Variants in AUTS2 observed in about 807,000 individuals in gnomAD.
AUTS2 encodes autism susceptibility gene 2 protein.
Under a neutral mutation model 112.4 loss-of-function variants are expected in AUTS2, and 17 were observed. The ratio of observed to expected loss-of-function variants is 0.15; its 90% CI spans 0.10 to 0.23. AUTS2 has a LOEUF of 0.23. AUTS2 is among the 10% of genes least tolerant of loss of function. The pLI is 1.00. For synonymous variants in AUTS2, 751 were observed against 702.7 expected (o/e 1.07, Z -1.09); for missense variants, 1,510 against 1,701.6 (o/e 0.89, Z 1.98).
intron 5 of AUTS2, among the ~76,000 whole-genome samples, chr7:70,678,955 T>C (rs944328558): frequency 1.3e-5 from 2 of 152,118 alleles, no homozygotes; most frequent in East Asian, 1.9e-4. Context: ...CAGAGTCTTA[T>C]ATGCTAATAC....
At chr7:69,784,011 G>GC (rs1474310185) in intron 1 of AUTS2, among the ~76,000 whole-genome samples, 1 of 152,060 alleles carries the variant, frequency 6.6e-6, no homozygotes, top group East Asian at 1.9e-4. Flanking sequence ...TGCTATGACA[G>GC]CCCCCCTCCC....
At position 70,705,836 on chromosome 7, in the gene AUTS2, T is replaced by C. The variant is rs573917219; in HGVS notation, c.742+7216T>C. On this transcript the variant is annotated intron_variant, in intron 6 of 18. Coordinates refer to ENST00000342771, the MANE Select transcript of AUTS2 (RefSeq NM_015570.4). ...ACTTCTCATCAACCCTTAAAGCCCTTGGATAGGAGTGGAAGAAGTCAATCC... is the reference window on the plus strand; with the variant it reads ...ACTTCTCATCAACCCTTAAAGCCCTCGGATAGGAGTGGAAGAAGTCAATCC... 5.0e-4 allele frequency among the ~76,000 whole-genome samples: 76 copies of C among 152,308 alleles called. 1 individual carries two copies. The highest frequency in any genetic ancestry group is 2.1e-4 in the Non-Finnish European group (14 of 68,024).
chr7:70,576,184 G>C (rs886930446), intron 5 of AUTS2, among the ~76,000 whole-genome samples: 5 of 152,062 alleles, frequency 3.3e-5, no homozygotes, highest in Admixed American at 1.3e-4. Context: ...CCAGTGCACT[G>C]GGCAGGACTG....
At position 70,118,141 on chromosome 7, in the gene AUTS2, G is replaced by A. The variant is rs1169900774; in HGVS notation, c.532G>A (p.Gly178Arg). 1 of 1,603,270 alleles carries A rather than the reference G, an allele frequency of 6.2e-7. No homozygotes were observed. The highest frequency in any genetic ancestry group is 8.5e-7 in the Non-Finnish European group (1 of 1,176,888). ...MPKALRQLKP[G>R]QNSCRDSDSE... is the part of the protein sequence containing the mutation. ...TTTCTTTTGCCTTTAGCTCAAGCCA[G>A]GACAGAACAGCTGCAGGGACAGTGA... Residue 178 changes from glycine to arginine, a missense_variant, in exon 3 of 19, where the codon GGA becomes AGA. Physicochemically the swap from Gly to Arg is moderately radical, Grantham distance 125. Coordinates refer to ENST00000342771, the MANE Select transcript of AUTS2 (RefSeq NM_015570.4).
At chr7:69,960,099 C>A (rs1173177724) in intron 2 of AUTS2, among the ~76,000 whole-genome samples, 1 of 152,122 alleles carries the variant, frequency 6.6e-6, no homozygotes, top group Non-Finnish European at 1.5e-5. Flanking sequence ...TGTCAGACTG[C>A]ATTTTCTCTT....
chr7:70,388,385 C>G (rs1346024099), intron 4 of AUTS2, among the ~76,000 whole-genome samples: 1 of 152,104 alleles, frequency 6.6e-6, no homozygotes, highest in Non-Finnish European at 1.5e-5. Context: ...ATAGTATATC[C>G]TGAATAAATG....
intron 5 of AUTS2, among the ~76,000 whole-genome samples, chr7:70,489,893 C>T (rs1798168066): frequency 6.6e-6 from 1 of 152,102 alleles, no homozygotes; most frequent in African/African-American, 2.4e-5. Context: ...AGAAATTAAA[C>T]AACATATTTC....
intron 1 of AUTS2, among the ~76,000 whole-genome samples, chr7:69,662,604 T>C (rs747562629): frequency 3.3e-5 from 5 of 152,350 alleles, no homozygotes; most frequent in African/African-American, 7.2e-5. Context: ...ATTAACCTTA[T>C]AGGGCTGGAG....
intron 5 of AUTS2, among the ~76,000 whole-genome samples, chr7:70,654,105 A>G (rs2129542079): frequency 6.6e-6 from 1 of 152,334 alleles, no homozygotes; most frequent in South Asian, 2.1e-4. Flanking sequence ...AAAGCCCATA[A>G]TAAGCCAGAA....
Position 69,610,182 on chromosome 7 carries a change from A to G in AUTS2, c.309+10220A>G, listed in dbSNP as rs76760381. Among the ~76,000 whole-genome samples the G allele has an allele frequency of 5.9e-3, 895 of 152,366 alleles. 2 individuals are homozygous for G. The highest frequency in any genetic ancestry group is 0.014 in the Middle Eastern group (4 of 294). On this transcript the variant is annotated intron_variant, in intron 1 of 18. Transcript: ENST00000342771. Reference sequence around the variant, plus strand: ...GAAAGTAGGAAATAATAAAGGGAAGACATGATTGATACGCTGTCCTATAAA... The same window carrying G: ...GAAAGTAGGAAATAATAAAGGGAAGGCATGATTGATACGCTGTCCTATAAA...
At chr7:70,679,174 T>C (rs1808080623) in intron 5 of AUTS2, among the ~76,000 whole-genome samples, 1 of 152,248 alleles carries the variant, frequency 6.6e-6, no homozygotes, top group Admixed American at 6.5e-5. Context: ...TCATTATTTT[T>C]TCCTGTTAGA....
chr7:70,465,463 C>A (rs1455874477), intron 5 of AUTS2, among the ~76,000 whole-genome samples: 1 of 152,170 alleles, frequency 6.6e-6, no homozygotes, highest in Admixed American at 6.5e-5. Context: ...CAGGTAAAAT[C>A]CTTGGATATT....
At chr7:69,740,154 C>T (rs1787202177) in intron 1 of AUTS2, among the ~76,000 whole-genome samples, 1 of 152,210 alleles carries the variant, frequency 6.6e-6, no homozygotes. Context: ...CTTGCATCCT[C>T]TGTGAGTGGG....
At chr7:70,513,929 G>T (rs1799308678) in intron 5 of AUTS2, among the ~76,000 whole-genome samples, 1 of 151,994 alleles carries the variant, frequency 6.6e-6, no homozygotes, top group Admixed American at 6.6e-5. Flanking sequence ...CAAAGTGCTG[G>T]GATTATAGGT....
At chr7:69,951,617 A>T (rs995102426) in intron 2 of AUTS2, among the ~76,000 whole-genome samples, 1 of 152,136 alleles carries the variant, frequency 6.6e-6, no homozygotes, top group African/African-American at 2.4e-5. Flanking sequence ...CTGTGGGATA[A>T]TGAACACTTT....
chr7:70,109,316 C>T (rs887556702), intron 2 of AUTS2, among the ~76,000 whole-genome samples: 4 of 151,946 alleles, frequency 2.6e-5, no homozygotes, highest in Non-Finnish European at 5.9e-5. Context: ...TCAAATATTC[C>T]TTCAACACAT....
intron 12 of AUTS2, chr7:70,775,154 A>G: frequency 1.7e-6 from 1 of 595,066 alleles, no homozygotes; most frequent in South Asian, 2.1e-5. Flanking sequence ...GCGTAGATGT[A>G]CCAAGGCTTG....
At chr7:70,427,479 T>C (rs1363390865) in intron 4 of AUTS2, among the ~76,000 whole-genome samples, 1 of 152,230 alleles carries the variant, frequency 6.6e-6, no homozygotes, top group Non-Finnish European at 1.5e-5. Context: ...TTGTGAAATA[T>C]TCACTTCCAA....
intron 5 of AUTS2, among the ~76,000 whole-genome samples, chr7:70,643,283 C>G (rs1406466841): frequency 2.0e-5 from 3 of 152,208 alleles, no homozygotes; most frequent in Non-Finnish European, 4.4e-5. Context: ...AAAAATGTGC[C>G]TAATCTAGGC....
Sources: gnomAD v4.1 joint callset for allele counts (sites outside exome capture counted in the v4.1 genomes callset) on GRCh38, gnomAD v4.1.1 for gene constraint, MANE v1.5 for transcripts, NCBI Gene and HGNC (gene_info 2026-07-23, HGNC 2026-07-21) for gene names.